The following FRMD6 variants were observed in gnomAD, a reference collection of about 807,000 sequenced individuals.
FRMD6 encodes the protein FERM domain-containing protein 6.
Under a neutral mutation model 73.2 loss-of-function variants are expected in FRMD6, and 37 were observed. That is an observed-to-expected ratio of 0.51 (90% CI 0.39 to 0.66). The LOEUF is 0.66. FRMD6 is among the 30% of genes least tolerant of loss of function. The probability of loss-of-function intolerance (pLI) is 0.00; values close to 1 mark genes in which losing one functional copy is unlikely to be tolerated. For missense variants in FRMD6, 714 were observed against 780.5 expected (o/e 0.91, Z 1.02); for synonymous variants, 273 against 282.2 (o/e 0.97, Z 0.33).
chr14:51,480,986 C>T, the FRMD6 span, among the ~76,000 whole-genome samples: 6 of 152,110 alleles, frequency 3.9e-5, no homozygotes, highest in Admixed American at 6.5e-5. Context: ...GCATAATTGT[C>T]AAAGGGAATT....
intron 1 of FRMD6, among the ~76,000 whole-genome samples, chr14:51,677,907 T>C (rs1210962139): frequency 6.6e-6 from 1 of 152,084 alleles, no homozygotes; most frequent in Non-Finnish European, 1.5e-5. Context: ...CTCTGAGAGA[T>C]GCCAGCCTTA....
At chr14:51,430,540 A>G in the FRMD6 span, among the ~76,000 whole-genome samples, 1,394 of 152,046 alleles carry the variant, frequency 9.2e-3, 22 homozygotes, top group African/African-American at 0.032. Context: ...CTGGGGTAGA[A>G]GTTCATGTGT....
chr14:51,724,806 G>T (rs1234596442), intron 12 of FRMD6, among the ~76,000 whole-genome samples: 1 of 151,804 alleles, frequency 6.6e-6, no homozygotes, highest in Non-Finnish European at 1.5e-5. Flanking sequence ...TCATCCATTG[G>T]CAAGAAAAAT....
Position 51,633,598 on chromosome 14 carries a change from CAAAAAAAA to C in FRMD6, c.-146-56077_-146-56070del, listed in dbSNP as rs375453243. Among the ~76,000 whole-genome samples the C allele has an allele frequency of 2.4e-4, 11 of 45,870 alleles. 1 individual carries two copies. The Admixed American group carries it at 3.4e-3, about 14-fold the overall frequency. 30.1% of individuals were successfully genotyped at this position (45,870 alleles called of 152,430 possible). On this transcript the variant is annotated intron_variant, in intron 2 of 14. Transcript: ENST00000356218. Reference sequence around the variant, plus strand: ...CTTGAGCAACAGAACAAGACCCTGTCAAAAAAAAAAAAAAAAAAAAAAAGAAATAATTA... The same window carrying C: ...CTTGAGCAACAGAACAAGACCCTGTCAAAAAAAAAAAAAAAGAAATAATTA...
At chr14:51,606,331 C>T (rs936486958) in intron 2 of FRMD6, among the ~76,000 whole-genome samples, 2 of 152,228 alleles carry the variant, frequency 1.3e-5, no homozygotes, top group Non-Finnish European at 2.9e-5. Flanking sequence ...TGTATATACA[C>T]AGTCACACAT....
chr14:51,444,543 C>A, the FRMD6 span, among the ~76,000 whole-genome samples: 1 of 152,118 alleles, frequency 6.6e-6, no homozygotes, highest in Non-Finnish European at 1.5e-5. Flanking sequence ...AAAATTCCAG[C>A]CTATTCTTGT....
At chr14:51,494,866 T>C (rs995896663) in intron 1 of FRMD6, among the ~76,000 whole-genome samples, 11 of 152,200 alleles carry the variant, frequency 7.2e-5, no homozygotes. Context: ...TTGACTAATT[T>C]CCTTGTCAAC....
intron 1 of FRMD6, among the ~76,000 whole-genome samples, chr14:51,525,077 A>AGAT (rs548492130): frequency 0.23 from 29,691 of 128,570 alleles, 3,794 homozygotes; most frequent in Admixed American, 0.3. Flanking sequence ...TAGAATAGAT[A>AGAT]GATAGATAGA....
the FRMD6 span, among the ~76,000 whole-genome samples, chr14:51,429,918 G>C: frequency 1.2e-4 from 19 of 152,138 alleles, no homozygotes; most frequent in Admixed American, 1.2e-3. Context: ...CCCTGACTCA[G>C]TCTAGATTTA....
intron 2 of FRMD6, among the ~76,000 whole-genome samples, chr14:51,602,698 C>G (rs556885163): frequency 6.6e-6 from 1 of 152,286 alleles, no homozygotes; most frequent in Non-Finnish European, 1.5e-5. Flanking sequence ...AAAAGCCTGT[C>G]AACTACTGAT....
upstream of FRMD6, among the ~76,000 whole-genome samples, chr14:51,487,572 G>A (rs560521721): frequency 7.3e-4 from 111 of 152,314 alleles, no homozygotes; most frequent in African/African-American, 2.6e-3. Flanking sequence ...CCACTAAAAT[G>A]TTATCCATAG....
At chr14:51,611,253 A>T (rs1020923311) in intron 2 of FRMD6, among the ~76,000 whole-genome samples, 10 of 152,290 alleles carry the variant, frequency 6.6e-5, no homozygotes, top group African/African-American at 2.4e-4. Flanking sequence ...TAAAGGTATT[A>T]TGGGGTCTTA....
the FRMD6 span, among the ~76,000 whole-genome samples, chr14:51,416,776 G>T: frequency 0.013 from 1,971 of 152,254 alleles, 42 homozygotes; most frequent in African/African-American, 0.045. Context: ...CGTTATTATA[G>T]TGTGGGAGTC....
At chr14:51,719,550 G>A (rs1161223248) in intron 10 of FRMD6, among the ~76,000 whole-genome samples, 2 of 152,210 alleles carry the variant, frequency 1.3e-5, no homozygotes, top group African/African-American at 4.8e-5. Flanking sequence ...TAAAATGAAT[G>A]GCAATTAGCA....
At chr14:51,637,559 A>C (rs1891629254) in intron 2 of FRMD6, 1 of 151,924 alleles carries the variant, frequency 6.6e-6, no homozygotes, top group Non-Finnish European at 1.5e-5. Context: ...GGGAGGGGGT[A>C]GGAAACTGAC....
At chr14:51,401,304 C>T in the FRMD6 span, among the ~76,000 whole-genome samples, 2 of 152,118 alleles carry the variant, frequency 1.3e-5, no homozygotes, top group African/African-American at 2.4e-5. Flanking sequence ...ATTTTTCATC[C>T]AGTAATTCAA....
chr14:51,465,341 A>G, the FRMD6 span, among the ~76,000 whole-genome samples: 3 of 152,202 alleles, frequency 2.0e-5, no homozygotes, highest in African/African-American at 7.2e-5. Context: ...GAGTTTTGAC[A>G]TTTGTATGCA....
the FRMD6 span, among the ~76,000 whole-genome samples, chr14:51,448,593 C>A: frequency 6.6e-6 from 1 of 152,102 alleles, no homozygotes; most frequent in East Asian, 1.9e-4. Context: ...TACCCATTGG[C>A]AAGGAAAGAG....
chr14:51,475,986 T>C, the FRMD6 span, among the ~76,000 whole-genome samples: 1 of 152,136 alleles, frequency 6.6e-6, no homozygotes, highest in Non-Finnish European at 1.5e-5. Context: ...AAATGTACCT[T>C]GCCCTCATCA....
Sources: gnomAD v4.1 joint callset for allele counts (sites outside exome capture counted in the v4.1 genomes callset) on GRCh38, gnomAD v4.1.1 for gene constraint, MANE v1.5 for transcripts, NCBI Gene and HGNC (gene_info 2026-07-23, HGNC 2026-07-21) for gene names.